The following TPR variants were observed in gnomAD, a reference collection of about 807,000 sequenced individuals.
TPR encodes the protein nucleoprotein TPR.
In TPR, 51 loss-of-function variants were observed where a neutral mutation model predicts 316.1. The observed-to-expected ratio is 0.16, with a 90% CI of 0.13 to 0.20. The LOEUF (loss-of-function observed/expected upper bound fraction) is 0.20, where lower values mean the gene tolerates loss of function less well. Ranked by LOEUF, TPR falls within the 10% of genes least tolerant of loss-of-function variation. The probability of loss-of-function intolerance (pLI) is 1.00; values close to 1 mark genes in which losing one functional copy is unlikely to be tolerated. For synonymous variants in TPR, 981 were observed against 914.7 expected (o/e 1.07, Z -1.31); for missense variants, 2,272 against 2,754.8 (o/e 0.82, Z 3.92).
At chr1:186,314,105 A>G in intron 50 of TPR, 79 bp from the exon 51 acceptor site, 1 of 1,336,850 alleles carries the variant, frequency 7.5e-7, no homozygotes, top group Middle Eastern at 1.9e-4. Context: ...CTAGTTCATT[A>G]TAAAAAATAT....
rs539036976 is a variant in TPR, at chr1:186,331,748, T to A, written c.5605-167A>T. On this transcript the variant is annotated intron_variant, in intron 38 of 50. Coordinates refer to ENST00000367478, the MANE Select transcript of TPR (RefSeq NM_003292.3). ...AAATTATAATCACATTCCTCCTCAGTATACACAAAGTAAGGTTTATGAACA... is the reference window on the plus strand; with the variant it reads ...AAATTATAATCACATTCCTCCTCAGAATACACAAAGTAAGGTTTATGAACA... Among the ~76,000 whole-genome samples the A allele has an allele frequency of 2.0e-5, 3 of 152,218 alleles. No individual in the cohort carries two copies. In the East Asian group the frequency reaches 5.8e-4, roughly 29 times the overall value.
intron 18 of TPR, 69 bp downstream of exon 18, chr1:186,353,619 C>G (rs1042519039): frequency 6.5e-7 from 1 of 1,540,866 alleles, no homozygotes; most frequent in Non-Finnish European, 8.8e-7. Flanking sequence ...GAGTAAAATT[C>G]AAAGTAAAAA....
In TPR at chr1:186,339,767, T is replaced by A; in HGVS notation, c.4026A>T (p.Leu1342=). The A allele has an allele frequency of 6.3e-7, 1 of 1,582,816 alleles. No individual in the cohort carries two copies. Among genetic ancestry groups the A allele is most frequent in the Non-Finnish European group, 8.6e-7 (1 of 1,168,538 alleles). ...TATCTGGATCTTTCTGTTGACTTAC[T>A]AGATGCTAGAATAACAAAAATGCAT... ...VKRWKARNQH[L]VSQQKDPDTE... is the part of the protein sequence containing the mutation. The change falls in exon 30 of 51, where the codon CTA becomes CTT. Residue 1342 remains leucine, a synonymous_variant. Coordinates refer to ENST00000367478, the MANE Select transcript of TPR (RefSeq NM_003292.3).
chr1:186,315,234 A>G (rs1343426233), intron 49 of TPR, among the ~76,000 whole-genome samples: 1 of 151,870 alleles, frequency 6.6e-6, no homozygotes, highest in Non-Finnish European at 1.5e-5. Flanking sequence ...ACAAACAAAA[A>G]AAAAACACCA....
At chr1:186,361,532 C>T in intron 9 of TPR, 90 bp downstream of exon 9, 6 of 1,309,702 alleles carry the variant, frequency 4.6e-6, no homozygotes, top group Non-Finnish European at 6.4e-6. Flanking sequence ...AAGTCTAACA[C>T]CTAAATCCAA....
chr1:186,353,659 G>C, intron 18 of TPR, 29 bp downstream of exon 18: 1 of 1,594,998 alleles, frequency 6.3e-7, no homozygotes, highest in Non-Finnish European at 8.5e-7. Flanking sequence ...AACTTATAAT[G>C]CAAGTTGGAC....
rs1233545174 is a variant in TPR at position 186,339,767 on chromosome 1, T to C, written c.4026A>G (p.Leu1342=). Residue 1342 remains leucine, a synonymous_variant, in exon 30 of 51, where the codon CTA becomes CTG. Coordinates refer to ENST00000367478, the MANE Select transcript of TPR (RefSeq NM_003292.3). ...TATCTGGATCTTTCTGTTGACTTACTAGATGCTAGAATAACAAAAATGCAT... is the reference window on the plus strand; with the variant it reads ...TATCTGGATCTTTCTGTTGACTTACCAGATGCTAGAATAACAAAAATGCAT... ...VKRWKARNQH[L]VSQQKDPDTE... The C allele has an allele frequency of 3.8e-6, 6 of 1,582,698 alleles. No individual in the cohort carries two copies. The African/African-American group carries it at 6.8e-5, about 18-fold the overall frequency.
intron 38 of TPR, 34 bp downstream of exon 38, chr1:186,332,161 A>C: frequency 6.3e-7 from 1 of 1,583,398 alleles, no homozygotes; most frequent in Non-Finnish European, 8.6e-7. Flanking sequence ...CTCTACTGGT[A>C]AAAGTTAAAA....
intron 12 of TPR, among the ~76,000 whole-genome samples, 168 bp from the exon 13 acceptor site, chr1:186,358,818 G>A (rs1006178662): frequency 6.6e-6 from 1 of 152,094 alleles, no homozygotes; most frequent in Admixed American, 6.6e-5. Context: ...ATTTGAATAT[G>A]TTATTTCTCA....
intron 27 of TPR, 115 bp downstream of exon 27, chr1:186,343,211 G>C: frequency 7.4e-7 from 1 of 1,349,104 alleles, no homozygotes; most frequent in Non-Finnish European, 1.0e-6. Context: ...GAATTTACAA[G>C]TTTAGAAGAA....
chr1:186,362,695 C>T (rs934982565), intron 6 of TPR, 142 bp downstream of exon 6: 18 of 778,202 alleles, frequency 2.3e-5, no homozygotes, highest in African/African-American at 8.8e-5. Flanking sequence ...TGATTTTTTA[C>T]GCCAAATGTA....
intron 33 of TPR, 77 bp from the exon 34 acceptor site, chr1:186,335,620 A>T: frequency 8.4e-7 from 1 of 1,188,254 alleles, no homozygotes; most frequent in Non-Finnish European, 1.2e-6. Flanking sequence ...TAATTGGCAC[A>T]TGGTCACATC....
In TPR at chr1:186,334,970, T is replaced by A. The variant is rs899666812; in HGVS notation, c.4973+98A>T. 7 of 1,237,524 alleles carry A rather than the reference T, an allele frequency of 5.7e-6. No homozygotes were observed. In the African/African-American group the frequency reaches 1.1e-4, roughly 19 times the overall value. 76.7% of individuals were successfully genotyped at this position (1,237,524 alleles called of 1,614,324 possible). On this transcript the variant is annotated intron_variant, in intron 35 of 50. Coordinates refer to ENST00000367478, the MANE Select transcript of TPR (RefSeq NM_003292.3). ...AACTCTTTAGTGTATGTTTTTACAATAGAATACACAGATTTCTTTTTCCTA... is the reference window on the plus strand; with the variant it reads ...AACTCTTTAGTGTATGTTTTTACAAAAGAATACACAGATTTCTTTTTCCTA...
Position 186,312,567 on chromosome 1 carries a change from A to G in TPR, c.*1404T>C. On this transcript the variant is annotated 3_prime_UTR_variant, in exon 51 of 51. Coordinates refer to ENST00000367478, the MANE Select transcript of TPR (RefSeq NM_003292.3). ...TTTCTTTTTCCTTGTGGGTAAGTAAAGCAGTTTGTTCAGGTTTGTTAGTTA... is the reference window on the plus strand; with the variant it reads ...TTTCTTTTTCCTTGTGGGTAAGTAAGGCAGTTTGTTCAGGTTTGTTAGTTA... 1 of 782,224 alleles carries G rather than the reference A, an allele frequency of 1.3e-6. No individual in the cohort carries two copies. Among genetic ancestry groups the G allele is most frequent in the South Asian group, 1.8e-5 (1 of 54,082 alleles). The allele number at this position is 782,224 out of a possible 1,614,324, so 48.5% of individuals were successfully genotyped here.
At chr1:186,314,408 TAAATATA>T (rs1361778211) in intron 50 of TPR, 2 of 361,882 alleles carry the variant, frequency 5.5e-6, no homozygotes, top group Non-Finnish European at 9.8e-6. Context: ...AAGAAATCAA[TAAATATA>T]AAATATAAGC....
At chr1:186,367,569 C>T (rs1659388110) in intron 4 of TPR, among the ~76,000 whole-genome samples, 2 of 152,146 alleles carry the variant, frequency 1.3e-5, no homozygotes, top group African/African-American at 4.8e-5. Flanking sequence ...AACAGTAGTT[C>T]AGCCTTTGCA....
intron 46 of TPR, among the ~76,000 whole-genome samples, chr1:186,319,191 G>A (rs979579868): frequency 4.3e-4 from 66 of 151,998 alleles, no homozygotes; most frequent in African/African-American, 1.5e-3. Context: ...GTCTTGTTAT[G>A]TTGTCAAGGC....
At chr1:186,365,441 G>A (rs1214535789) in intron 4 of TPR, among the ~76,000 whole-genome samples, 1 of 152,094 alleles carries the variant, frequency 6.6e-6, no homozygotes, top group Admixed American at 6.6e-5. Flanking sequence ...ACTGTCCCTG[G>A]CCACCCAGAA....
chr1:186,346,122 T>C lies in TPR; in HGVS notation c.3096+13A>G, dbSNP rs771325096. 1.3e-6 allele frequency: 2 copies of C among 1,585,578 alleles called. No individual in the cohort carries two copies. Among genetic ancestry groups the C allele is most frequent in the Non-Finnish European group, 1.7e-6 (2 of 1,169,458 alleles). On this transcript the variant is annotated intron_variant, in intron 23 of 50. Coordinates refer to ENST00000367478, the MANE Select transcript of TPR (RefSeq NM_003292.3). The stretch of plus-strand genomic sequence containing the variant: ...CAAGTTAAAAAAAAAATTAATACGG[T>C]TAACCTATTTACCTGTTGTTCCATG...
Sources: gnomAD v4.1 joint callset for allele counts (sites outside exome capture counted in the v4.1 genomes callset) on GRCh38, gnomAD v4.1.1 for gene constraint, MANE v1.5 for transcripts, NCBI Gene and HGNC (gene_info 2026-07-23, HGNC 2026-07-21) for gene names.